Variants in PPM1L observed in about 807,000 individuals in gnomAD.
PPM1L encodes the protein protein phosphatase 1L.
A neutral mutation model predicts 31.4 loss-of-function variants in PPM1L; 13 were observed. The ratio of observed to expected loss-of-function variants is 0.41; its 90% confidence interval spans 0.27 to 0.66. The LOEUF is 0.66. Ranked by LOEUF, PPM1L falls within the 30% of genes least tolerant of loss-of-function variation. The pLI, the probability that PPM1L is intolerant of heterozygous loss-of-function variation, is 0.29. For missense variants in PPM1L, 326 were observed against 453.7 expected, an observed-to-expected ratio of 0.72 and a Z score of 2.56; for synonymous variants, 184 against 175.4, an observed-to-expected ratio of 1.05 and a Z score of -0.39.
At chr3:161,042,422 C>G (rs1023483292) in intron 2 of PPM1L, among the ~76,000 whole-genome samples, 1 of 152,148 alleles carries the variant, frequency 6.6e-6, no homozygotes, top group African/African-American at 2.4e-5. Flanking sequence ...TTGTTTGAGC[C>G]AGAGCAGCAG....
intron 2 of PPM1L, among the ~76,000 whole-genome samples, chr3:161,021,108 T>G (rs780305900): frequency 1.3e-5 from 2 of 152,038 alleles, no homozygotes; most frequent in Non-Finnish European, 2.9e-5. Context: ...AGTTTGCTCT[T>G]ATTTTCTAGT....
chr3:161,050,941 T>C (rs1345990119), intron 2 of PPM1L, among the ~76,000 whole-genome samples: 1 of 152,232 alleles, frequency 6.6e-6, no homozygotes, highest in Non-Finnish European at 1.5e-5. Context: ...GAAAGTGAAT[T>C]ACAAAGAAAT....
intron 1 of PPM1L, among the ~76,000 whole-genome samples, chr3:160,869,864 G>A (rs1043238881): frequency 2.6e-5 from 4 of 152,136 alleles, no homozygotes; most frequent in Non-Finnish European, 5.9e-5. Context: ...GAATGTAGTT[G>A]CATAGAGCTT....
chr3:160,999,904 C>T (rs1407222287), intron 2 of PPM1L, among the ~76,000 whole-genome samples: 1 of 152,228 alleles, frequency 6.6e-6, no homozygotes, highest in East Asian at 1.9e-4. Context: ...AGTATGCATA[C>T]AACGCTTAAT....
At chr3:161,004,005 A>G (rs1329028444) in intron 2 of PPM1L, among the ~76,000 whole-genome samples, 27 of 148,304 alleles carry the variant, frequency 1.8e-4, no homozygotes, top group South Asian at 1.1e-3. Context: ...TTATTTTGAG[A>G]TACGTCCCAT....
intron 1 of PPM1L, among the ~76,000 whole-genome samples, chr3:160,926,344 T>C (rs1461271941): frequency 6.6e-6 from 1 of 152,206 alleles, no homozygotes; most frequent in Non-Finnish European, 1.5e-5. Context: ...ACAATCTAGC[T>C]AGGTCCTTGT....
chr3:160,774,179 A>G (rs1417892102), intron 1 of PPM1L, among the ~76,000 whole-genome samples: 1 of 151,928 alleles, frequency 6.6e-6, no homozygotes, highest in Non-Finnish European at 1.5e-5. Flanking sequence ...TTTTCTTCTC[A>G]TGGTCGTGCC....
intron 1 of PPM1L, among the ~76,000 whole-genome samples, chr3:160,880,583 T>A (rs1226678362): frequency 6.6e-6 from 1 of 151,936 alleles, no homozygotes; most frequent in Non-Finnish European, 1.5e-5. Flanking sequence ...CTCCCAAATA[T>A]GTGTTCCTAC....
chr3:160,772,009 C>T (rs564761748), intron 1 of PPM1L, among the ~76,000 whole-genome samples: 2 of 152,188 alleles, frequency 1.3e-5, no homozygotes, highest in East Asian at 3.9e-4. Flanking sequence ...ACCTTCAGGC[C>T]TGACCTGTTT....
intron 1 of PPM1L, among the ~76,000 whole-genome samples, chr3:160,790,769 A>C (rs139454565): frequency 6.6e-6 from 1 of 152,242 alleles, no homozygotes; most frequent in South Asian, 2.1e-4. Flanking sequence ...AGAGATTACC[A>C]TGGGAAGACC....
chr3:161,018,480 T>A (rs934035951), intron 2 of PPM1L, among the ~76,000 whole-genome samples: 1 of 152,228 alleles, frequency 6.6e-6, no homozygotes, highest in Non-Finnish European at 1.5e-5. Context: ...GGAATTTTTT[T>A]AAATTTGTGT....
chr3:160,860,829 G>A (rs1323498707), intron 1 of PPM1L, among the ~76,000 whole-genome samples: 1 of 152,218 alleles, frequency 6.6e-6, no homozygotes, highest in South Asian at 2.1e-4. Flanking sequence ...TGTACAAGGT[G>A]GAAAGAGATC....
chr3:160,973,123 A>G (rs1716409595), intron 2 of PPM1L, among the ~76,000 whole-genome samples: 1 of 152,188 alleles, frequency 6.6e-6, no homozygotes, highest in Non-Finnish European at 1.5e-5. Flanking sequence ...GGTGGGCAAA[A>G]TTTTAAAGAA....
intron 1 of PPM1L, among the ~76,000 whole-genome samples, chr3:160,810,387 A>C (rs1712771428): frequency 6.6e-6 from 1 of 152,212 alleles, no homozygotes; most frequent in Non-Finnish European, 1.5e-5. Flanking sequence ...ATGTGGTTCC[A>C]CATGTAGCCT....
intron 2 of PPM1L, among the ~76,000 whole-genome samples, chr3:160,999,040 G>A (rs1027654296): frequency 2.0e-5 from 3 of 152,084 alleles, no homozygotes; most frequent in East Asian, 1.9e-4. Flanking sequence ...GGTTGCTACC[G>A]CCTGGCACAA....
At chr3:160,987,806 A>T (rs577559028) in intron 2 of PPM1L, among the ~76,000 whole-genome samples, 1 of 152,352 alleles carries the variant, frequency 6.6e-6, no homozygotes, top group Admixed American at 6.5e-5. Context: ...TTCTGATAGT[A>T]ATGAACGATA....
intron 2 of PPM1L, among the ~76,000 whole-genome samples, chr3:160,971,590 T>C (rs1716344451): frequency 1.3e-5 from 2 of 152,140 alleles, no homozygotes; most frequent in African/African-American, 4.8e-5. Flanking sequence ...AATCAGAAAA[T>C]CATGAGAGAA....
At chr3:161,041,160 AGACAAACTCAACCAAT>A (rs1402040449) in intron 2 of PPM1L, among the ~76,000 whole-genome samples, 4 of 152,228 alleles carry the variant, frequency 2.6e-5, no homozygotes, top group African/African-American at 7.2e-5. Flanking sequence ...CCAGGTCTTT[AGACAAACTCAACCAAT>A]GACAAACTCA....
chr3:160,967,304 C>T (rs1716183808), intron 2 of PPM1L, among the ~76,000 whole-genome samples: 1 of 152,082 alleles, frequency 6.6e-6, no homozygotes, highest in African/African-American at 2.4e-5. Flanking sequence ...TTCTTCATAG[C>T]AGTATGAAAA....
Sources: gnomAD v4.1 joint callset for allele counts (sites outside exome capture counted in the v4.1 genomes callset) on GRCh38, gnomAD v4.1.1 for gene constraint, MANE v1.5 for transcripts, NCBI Gene and HGNC (gene_info 2026-07-23, HGNC 2026-07-21) for gene names.